PLCH1: variants seen among roughly 807,000 people sequenced by gnomAD.
PLCH1 encodes the protein phospholipase C eta 1.
A neutral mutation model predicts 126.7 loss-of-function variants in PLCH1; 60 were observed. The ratio of observed to expected loss-of-function variants is 0.47; its 90% CI spans 0.38 to 0.59. The LOEUF (loss-of-function observed/expected upper bound fraction) is 0.59, where lower values mean the gene tolerates loss of function less well. Ranked by LOEUF, PLCH1 falls within the 20% of genes least tolerant of loss-of-function variation. The pLI is 0.00. For missense variants in PLCH1, 1,723 were observed against 2,040.0 expected (o/e 0.84, Z 2.99); for synonymous variants, 719 against 734.9 (o/e 0.98, Z 0.35).
At chr3:155,452,248 TA>T (rs1488864557) in intron 21 of PLCH1, among the ~76,000 whole-genome samples, 2 of 152,144 alleles carry the variant, frequency 1.3e-5, no homozygotes, top group Non-Finnish European at 2.9e-5. Flanking sequence ...AAATCCTTGA[TA>T]AAACCATCAA....
rs181590064 is a variant in PLCH1 at position 155,622,357 on chromosome 3, C to A, written c.80-25979G>T. On this transcript the variant is annotated intron_variant, in intron 2 of 22. Transcript: ENST00000460012. ...ACTATTAAGAAACTGCATCAACTAA[C>A]GGGCAAAATAAACAGCTAGCATTAT... Among the ~76,000 whole-genome samples, 5 of 152,096 alleles carry A rather than the reference C, an allele frequency of 3.3e-5. No homozygotes were observed. In the East Asian group the frequency reaches 9.6e-4, roughly 29 times the overall value.
At chr3:155,592,491 T>TGA (rs1732331067) in intron 4 of PLCH1, among the ~76,000 whole-genome samples, 1 of 142,438 alleles carries the variant, frequency 7.0e-6, no homozygotes, top group South Asian at 2.2e-4. Flanking sequence ...CAAGACTCCA[T>TGA]CTCCAAAAAA....
At chr3:155,653,225 C>T (rs1559898962) in intron 2 of PLCH1, among the ~76,000 whole-genome samples, 2 of 152,150 alleles carry the variant, frequency 1.3e-5, no homozygotes, top group African/African-American at 4.8e-5. Flanking sequence ...CACTGTGTTG[C>T]CCAGGCTGGT....
intron 2 of PLCH1, among the ~76,000 whole-genome samples, chr3:155,654,301 T>C (rs1290952781): frequency 3.3e-5 from 5 of 152,020 alleles, no homozygotes; most frequent in Non-Finnish European, 7.4e-5. Context: ...ACTCAGCCTA[T>C]GACCTTCTTC....
chr3:155,703,787 T>A (rs1434159962), intron 2 of PLCH1, among the ~76,000 whole-genome samples: 1 of 152,242 alleles, frequency 6.6e-6, no homozygotes, highest in Non-Finnish European at 1.5e-5. Context: ...AAGCATTGAC[T>A]GGTGATCCAC....
At chr3:155,705,182 C>T (rs565009529) in intron 1 of PLCH1, among the ~76,000 whole-genome samples, 1 of 152,088 alleles carries the variant, frequency 6.6e-6, no homozygotes. Flanking sequence ...ATTTTGTAAA[C>T]GTATCCCAGG....
intron 21 of PLCH1, among the ~76,000 whole-genome samples, chr3:155,462,140 G>C (rs1320102312): frequency 1.3e-5 from 2 of 152,164 alleles, no homozygotes; most frequent in Non-Finnish European, 2.9e-5. Context: ...AGCAAGAAAA[G>C]AATTACTGTA....
chr3:155,544,600 C>T (rs1006520952), intron 10 of PLCH1, among the ~76,000 whole-genome samples: 6 of 152,184 alleles, frequency 3.9e-5, no homozygotes, highest in African/African-American at 1.4e-4. Flanking sequence ...TTCAGCACCA[C>T]ACCACACCTA....
At chr3:155,628,685 G>C (rs1469772981) in intron 2 of PLCH1, among the ~76,000 whole-genome samples, 2 of 151,806 alleles carry the variant, frequency 1.3e-5, no homozygotes, top group Non-Finnish European at 2.9e-5. Context: ...TCTCAGCTAT[G>C]AACTTAGTGG....
chr3:155,641,187 T>C (rs1166554350), intron 2 of PLCH1, among the ~76,000 whole-genome samples: 2 of 151,418 alleles, frequency 1.3e-5, no homozygotes, highest in Non-Finnish European at 2.9e-5. Context: ...ATACTGATTT[T>C]CAACGTTAAA....
At chr3:155,743,280 C>T in intron 1 of PLCH1, 1 of 451,622 alleles carries the variant, frequency 2.2e-6, no homozygotes, top group Non-Finnish European at 4.4e-6. Flanking sequence ...GCCTGTGATC[C>T]CCACACTTTG....
intron 2 of PLCH1, among the ~76,000 whole-genome samples, chr3:155,626,730 C>CTGCACT (rs1340946443): frequency 1.6e-5 from 2 of 127,918 alleles, no homozygotes; most frequent in Admixed American, 1.9e-4. Flanking sequence ...GATCGTGCCA[C>CTGCACT]TGCACTCCAG....
chr3:155,729,976 CT>C (rs1325728734), intron 1 of PLCH1, among the ~76,000 whole-genome samples: 15 of 151,280 alleles, frequency 9.9e-5, no homozygotes, highest in Admixed American at 7.2e-4. Flanking sequence ...AATATAAGTC[CT>C]GAGAATGGCC....
At chr3:155,540,677 C>A (rs980637050) in intron 10 of PLCH1, among the ~76,000 whole-genome samples, 3 of 152,110 alleles carry the variant, frequency 2.0e-5, no homozygotes, top group African/African-American at 7.2e-5. Flanking sequence ...AAATGCAAAT[C>A]AAAACCACAA....
chr3:155,636,093 T>C (rs944192628), intron 2 of PLCH1, among the ~76,000 whole-genome samples: 2 of 152,160 alleles, frequency 1.3e-5, no homozygotes, highest in Non-Finnish European at 2.9e-5. Context: ...AGAAAACTTT[T>C]TCAAAAGTGC....
intron 2 of PLCH1, among the ~76,000 whole-genome samples, chr3:155,692,779 A>G (rs1745494930): frequency 6.7e-6 from 1 of 148,794 alleles, no homozygotes; most frequent in Admixed American, 6.7e-5. Flanking sequence ...TTTTTTTGAG[A>G]TGAGTCTCGC....
chr3:155,739,699 C>T (rs1257902215), intron 1 of PLCH1, among the ~76,000 whole-genome samples: 1 of 152,186 alleles, frequency 6.6e-6, no homozygotes, highest in Admixed American at 6.5e-5. Context: ...TAGGATGTAA[C>T]AGAACATGGA....
chr3:155,538,540 A>G (rs1481235687), intron 10 of PLCH1, among the ~76,000 whole-genome samples: 1 of 152,178 alleles, frequency 6.6e-6, no homozygotes, highest in Non-Finnish European at 1.5e-5. Flanking sequence ...GATCCAAATA[A>G]GCTCAATTAG....
At chr3:155,505,374 C>T (rs1718501304) in intron 12 of PLCH1, among the ~76,000 whole-genome samples, 1 of 152,110 alleles carries the variant, frequency 6.6e-6, no homozygotes, top group Non-Finnish European at 1.5e-5. Context: ...AACTCTTATT[C>T]ATTTGTCATC....
Sources: gnomAD v4.1 joint callset for allele counts (sites outside exome capture counted in the v4.1 genomes callset) on GRCh38, gnomAD v4.1.1 for gene constraint, MANE v1.5 for transcripts, NCBI Gene and HGNC (gene_info 2026-07-23, HGNC 2026-07-21) for gene names.